Variants in PHACTR3 observed in about 807,000 individuals in gnomAD.
The protein encoded by PHACTR3 is protein phosphatase 1, regulatory subunit 123.
Under a neutral mutation model 66.8 loss-of-function variants are expected in PHACTR3, and 16 were observed. That is an observed-to-expected ratio of 0.24 (90% CI 0.16 to 0.36). PHACTR3 has a LOEUF of 0.36. Among genes scored for constraint, PHACTR3 ranks in the 10% least tolerant of loss-of-function variants. The pLI is 1.00. For synonymous variants in PHACTR3, 323 were observed against 292.1 expected (o/e 1.11, Z -1.08); for missense variants, 647 against 719.9 (o/e 0.90, Z 1.16).
intron 1 of PHACTR3, among the ~76,000 whole-genome samples, chr20:59,579,493 C>T (rs2032803203): frequency 1.3e-5 from 2 of 152,226 alleles, no homozygotes; most frequent in Admixed American, 1.3e-4. Context: ...TAGGAGGGTC[C>T]TTGAGGCTGG....
intron 1 of PHACTR3, among the ~76,000 whole-genome samples, chr20:59,638,791 T>C (rs978919573): frequency 6.8e-5 from 5 of 73,800 alleles, no homozygotes; most frequent in African/African-American, 2.1e-4. Flanking sequence ...TAAATGGAGA[T>C]GGATAGATGG....
chr20:59,803,950 G>C (rs571590525), intron 7 of PHACTR3, among the ~76,000 whole-genome samples: 1 of 152,308 alleles, frequency 6.6e-6, no homozygotes, highest in East Asian at 1.9e-4. Context: ...CCCTGCACCT[G>C]TTTCTCAGCT....
chr20:59,694,891 A>T (rs6015550), intron 1 of PHACTR3, among the ~76,000 whole-genome samples: 1 of 152,118 alleles, frequency 6.6e-6, no homozygotes, highest in Non-Finnish European at 1.5e-5. Flanking sequence ...AAGCAGCCCA[A>T]TGATTGCCGG....
At chr20:59,628,711 C>T (rs1258460750) in intron 1 of PHACTR3, 1 of 985,370 alleles carries the variant, frequency 1.0e-6, no homozygotes, top group African/African-American at 1.7e-5. Context: ...GGAAGATTCC[C>T]CATAGTACCT....
At chr20:59,700,961 T>TA (rs896891654) in intron 1 of PHACTR3, among the ~76,000 whole-genome samples, 23 of 102,184 alleles carry the variant, frequency 2.3e-4, no homozygotes, top group East Asian at 1.1e-3. Context: ...GGCTAATTTT[T>TA]AAAAAAATTT....
intron 1 of PHACTR3, among the ~76,000 whole-genome samples, chr20:59,642,978 C>G (rs2035159187): frequency 1.3e-5 from 2 of 152,196 alleles, no homozygotes; most frequent in African/African-American, 4.8e-5. Context: ...GTGGCACGAT[C>G]TTGGCTCACT....
At chr20:59,702,611 C>T (rs2037546870) in intron 1 of PHACTR3, among the ~76,000 whole-genome samples, 1 of 152,232 alleles carries the variant, frequency 6.6e-6, no homozygotes, top group African/African-American at 2.4e-5. Context: ...TCTGGAATGT[C>T]AGCTTCGCAG....
intron 1 of PHACTR3, among the ~76,000 whole-genome samples, chr20:59,724,752 G>A (rs531548977): frequency 6.6e-6 from 1 of 152,302 alleles, no homozygotes; most frequent in South Asian, 2.1e-4. Flanking sequence ...GCTCTCAAGC[G>A]ACTCTCCCCC....
chr20:59,714,381 G>A (rs540003502), intron 1 of PHACTR3, among the ~76,000 whole-genome samples: 203 of 152,242 alleles, frequency 1.3e-3, no homozygotes, highest in Non-Finnish European at 1.7e-3. Flanking sequence ...TATGAGGGAG[G>A]GATCAGGAAT....
intron 1 of PHACTR3, among the ~76,000 whole-genome samples, chr20:59,585,447 C>T (rs761382148): frequency 1.8e-4 from 27 of 152,318 alleles, no homozygotes; most frequent in Non-Finnish European, 3.1e-4. Context: ...TGCTATAAAT[C>T]ACAGTTGTGA....
chr20:59,845,992 C>G (rs948284008), intron 12 of PHACTR3, among the ~76,000 whole-genome samples: 2 of 152,094 alleles, frequency 1.3e-5, no homozygotes, highest in African/African-American at 4.8e-5. Context: ...TATTTCCCCC[C>G]ACTTCTTTTC....
In PHACTR3 at chr20:59,829,680, A is replaced by G. The variant is rs1039385951; in HGVS notation, c.1329-6825A>G. 1.3e-5 allele frequency among the ~76,000 whole-genome samples: 2 copies of G among 152,242 alleles called. No homozygotes were observed. The highest frequency in any genetic ancestry group is 4.8e-5 in the African/African-American group (2 of 41,466). On this transcript the variant is annotated intron_variant, in intron 8 of 12. Transcript: ENST00000371015. This position sits in a 1 kb window ranked among gnomAD's most constrained non-coding sequence, Gnocchi z 4.2. Reference sequence around the variant, plus strand: ...TGACTCAAGGCGGCTGTGGGGCAGGATTGGCATTCCCAGAAAGGAGCCTCC... The same window carrying G: ...TGACTCAAGGCGGCTGTGGGGCAGGGTTGGCATTCCCAGAAAGGAGCCTCC...
chr20:59,581,507 C>T (rs1387276553), intron 1 of PHACTR3, among the ~76,000 whole-genome samples: 5 of 152,302 alleles, frequency 3.3e-5, no homozygotes, highest in Admixed American at 2.6e-4. Context: ...TTAAGGACTG[C>T]TGTCTGCTGG....
At chr20:59,649,024 C>T (rs185543058) in intron 1 of PHACTR3, among the ~76,000 whole-genome samples, 2 of 152,238 alleles carry the variant, frequency 1.3e-5, no homozygotes, top group Admixed American at 6.5e-5. Flanking sequence ...TCTAGATCAG[C>T]GTTGTTGATG....
chr20:59,625,269 C>T (rs1035959424), intron 1 of PHACTR3, among the ~76,000 whole-genome samples: 1 of 151,838 alleles, frequency 6.6e-6, no homozygotes, highest in African/African-American at 2.4e-5. Context: ...TGAGGCAGGC[C>T]CCATTCCTGT....
intron 8 of PHACTR3, among the ~76,000 whole-genome samples, chr20:59,833,055 T>G (rs2042431228): frequency 6.6e-6 from 1 of 152,102 alleles, no homozygotes. Context: ...GCATCCACCC[T>G]TCCAGGTGTG....
At chr20:59,824,720 T>A (rs1334562858) in intron 8 of PHACTR3, among the ~76,000 whole-genome samples, 1 of 152,204 alleles carries the variant, frequency 6.6e-6, no homozygotes, top group Non-Finnish European at 1.5e-5. Context: ...TATGCATCTG[T>A]CATTTTTGAC....
At chr20:59,633,027 G>C (rs2034722399) in intron 1 of PHACTR3, among the ~76,000 whole-genome samples, 1 of 152,164 alleles carries the variant, frequency 6.6e-6, no homozygotes, top group South Asian at 2.1e-4. Context: ...CACGGGGGCA[G>C]GAAGGAGAGG....
chr20:59,664,159 G>C (rs2035911188), intron 1 of PHACTR3, among the ~76,000 whole-genome samples: 1 of 152,146 alleles, frequency 6.6e-6, no homozygotes, highest in Non-Finnish European at 1.5e-5. Flanking sequence ...ATTAACAAAT[G>C]GATAAGAAAA....
Sources: gnomAD v4.1 joint callset for allele counts (sites outside exome capture counted in the v4.1 genomes callset) on GRCh38, gnomAD v4.1.1 for gene constraint, Gnocchi (gnomAD v3.1) non-coding constraint, MANE v1.5 for transcripts, NCBI Gene and HGNC (gene_info 2026-07-23, HGNC 2026-07-21) for gene names.